SGSM2: variants seen among roughly 807,000 people sequenced by gnomAD.
SGSM2 encodes RUN and TBC1 domain containing 1.
Under a neutral mutation model 126.6 loss-of-function variants are expected in SGSM2, and 89 were observed. The ratio of observed to expected loss-of-function variants is 0.70; its 90% CI spans 0.59 to 0.84. SGSM2 has a LOEUF of 0.84. SGSM2 is among the 40% of genes least tolerant of loss of function. The probability of loss-of-function intolerance (pLI) is 0.00; values close to 1 mark genes in which losing one functional copy is unlikely to be tolerated. For synonymous variants in SGSM2, 614 were observed against 574.3 expected (o/e 1.07, Z -0.99); for missense variants, 1,404 against 1,416.6 (o/e 0.99, Z 0.14).
chr17:2,347,382 C>T (rs1425443014), intron 2 of SGSM2, among the ~76,000 whole-genome samples: 1 of 151,200 alleles, frequency 6.6e-6, no homozygotes, highest in Non-Finnish European at 1.5e-5. Flanking sequence ...GCTGGGATTA[C>T]AGGTGTGAAC....
chr17:2,362,431 T>TCCCAAAAACTGCAGGTGACCGCCCCGTTC lies in SGSM2; in HGVS notation c.458+243_458+271dup, dbSNP rs1555600313. Among the ~76,000 whole-genome samples the TCCCAAAAACTGCAGGTGACCGCCCCGTTC allele has an allele frequency of 7.8e-4, 31 of 39,824 alleles. 1 individual carries two copies. The highest frequency in any genetic ancestry group is 1.5e-3 in the African/African-American group (13 of 8,680). The allele number at this position is 39,824 out of a possible 152,430, so 26.1% of individuals were successfully genotyped here. ...CCAAAACTGCAGGTGACCGCCCCGT[T>TCCCAAAAACTGCAGGTGACCGCCCCGTTC]CCCAAAAACTGCAGGTGACCGCCCC... is the stretch of plus-strand genomic sequence containing the variant. On this transcript the variant is annotated intron_variant, in intron 4 of 23. Coordinates refer to ENST00000268989, the MANE Select transcript of SGSM2 (RefSeq NM_014853.3). The surrounding 1 kb of genome is among the most constrained non-coding windows in gnomAD (Gnocchi z 4.9).
Position 2,362,341 on chromosome 17 carries a change from G to A in SGSM2, c.458+71G>A, listed in dbSNP as rs566091277. On this transcript the variant is annotated intron_variant, in intron 4 of 23. Transcript: ENST00000268989. This position sits in a 1 kb window ranked among gnomAD's most constrained non-coding sequence, Gnocchi z 4.9. ...CCCCAAAACTGCAGGTGACCGCCCC[G>A]TTCCCCAAAAACTGCAGGTGACCGC... is the stretch of plus-strand genomic sequence containing the variant. 1.1e-4 allele frequency: 165 copies of A among 1,480,130 alleles called. 1 individual carries two copies. Among genetic ancestry groups the A allele is most frequent in the Admixed American group, 6.6e-4 (29 of 44,134 alleles). 91.7% of individuals were successfully genotyped at this position (1,480,130 alleles called of 1,614,324 possible). A position where few individuals can be genotyped will look rare whatever the true frequency, so the allele number is the denominator to read the frequency against.
intron 2 of SGSM2, among the ~76,000 whole-genome samples, chr17:2,345,385 A>G (rs982950913): frequency 4.0e-5 from 6 of 151,436 alleles, no homozygotes; most frequent in African/African-American, 1.5e-4. Flanking sequence ...TCACGAGGTC[A>G]GGAGATCGAG....
chr17:2,366,978 C>T (rs886758690), intron 11 of SGSM2: 7 of 364,708 alleles, frequency 1.9e-5, no homozygotes, highest in African/African-American at 1.4e-4. Flanking sequence ...CCAGCCCATC[C>T]CAGACAGTCC....
chr17:2,362,167 G>A lies in SGSM2; in HGVS notation c.355G>A (p.Ala119Thr), dbSNP rs1324341146. The change falls in exon 4 of 24, where the codon GCC (alanine) becomes ACC (threonine). Residue 119 changes from alanine (A) to threonine (T), a missense_variant. By Grantham distance (58) the Ala-to-Thr change is moderately conservative. Coordinates refer to ENST00000268989, the MANE Select transcript of SGSM2 (RefSeq NM_014853.3). This position sits in a 1 kb window ranked among gnomAD's most constrained non-coding sequence, Gnocchi z 4.9. ...GAGACAGGGCTCAGCCAGCGGGAAG[G>A]CCCCGGCCCTCAGCCCTCAGGCCTT... Reference protein sequence around the residue: ...LRRQGSASGKAPALSPQALKH... With the variant: ...LRRQGSASGKTPALSPQALKH... 2 of 1,613,806 alleles carry A rather than the reference G, an allele frequency of 1.2e-6. No homozygotes were observed. Among genetic ancestry groups the A allele is most frequent in the East Asian group, 4.5e-5 (2 of 44,896 alleles).
Position 2,376,737 on chromosome 17 carries a change from G to GT in SGSM2, c.2615dup (p.Trp873ValfsTer26). On this transcript the variant is annotated frameshift_variant, in exon 20 of 24. Coordinates refer to ENST00000268989, the MANE Select transcript of SGSM2 (RefSeq NM_014853.3). LOFTEE classifies it high-confidence loss of function. ...GACTCTCCCCCTGCCTTTCAGCTAC[G>GT]TGTGGGAGCACCTGGACGTGGGCTA... 6.2e-7 allele frequency: 1 copy of GT among 1,614,004 alleles called. No homozygotes were observed. The highest frequency in any genetic ancestry group is 8.5e-7 in the Non-Finnish European group (1 of 1,180,016).
Position 2,380,667 on chromosome 17 carries a change from C to T in SGSM2, c.*1147C>T. The T allele has an allele frequency of 2.8e-6, 1 of 351,270 alleles. No individual in the cohort carries two copies. Among genetic ancestry groups the T allele is most frequent in the Non-Finnish European group, 5.4e-6 (1 of 185,910 alleles). The allele number at this position is 351,270 out of a possible 1,614,324, so 21.8% of individuals were successfully genotyped here. On this transcript the variant is annotated 3_prime_UTR_variant, in exon 24 of 24. Transcript: ENST00000268989. ...GCTGCTTGCTCGGCCATCCCCACTT[C>T]CTCCTCTACCCCAACACATGCAGGC...
At position 2,380,515 on chromosome 17, in the gene SGSM2, G is replaced by C. The variant is rs1215374806; in HGVS notation, c.*995G>C. ...CCCATCTGTCCCTGGTGAGAAGCAA[G>C]GCTAGCTCTGCCTTCCACATGCTTC... On this transcript the variant is annotated 3_prime_UTR_variant, in exon 24 of 24. Transcript: ENST00000268989. 4 of 601,990 alleles carry C rather than the reference G, an allele frequency of 6.6e-6. No individual in the cohort carries two copies. The highest frequency in any genetic ancestry group is 1.2e-5 in the Non-Finnish European group (4 of 337,356). 37.3% of individuals were successfully genotyped at this position (601,990 alleles called of 1,614,324 possible).
At chr17:2,354,776 CT>C in intron 2 of SGSM2, among the ~76,000 whole-genome samples, 1 of 152,368 alleles carries the variant, frequency 6.6e-6, no homozygotes, top group South Asian at 2.1e-4. Context: ...CCATCTGTGT[CT>C]TCCTGGCGTC....
intron 17 of SGSM2, chr17:2,375,266 G>C (rs1477454619): frequency 4.0e-6 from 2 of 494,668 alleles, no homozygotes; most frequent in Non-Finnish European, 7.1e-6. Flanking sequence ...GTTCCTTCAA[G>C]CAGGGCTGAA....
chr17:2,338,429 A>G (rs1320703120), intron 1 of SGSM2, among the ~76,000 whole-genome samples: 2 of 152,064 alleles, frequency 1.3e-5, no homozygotes, highest in African/African-American at 4.8e-5. Flanking sequence ...CCAAAAGCCC[A>G]TTTCCATTTC....
chr17:2,369,756 C>A (rs776092559), intron 12 of SGSM2, among the ~76,000 whole-genome samples: 6 of 151,832 alleles, frequency 4.0e-5, no homozygotes, highest in Admixed American at 1.3e-4. Context: ...CTCTTCCCAC[C>A]CCGGCTCCTC....
At position 2,380,243 on chromosome 17, in the gene SGSM2, C is replaced by T. The variant is rs902658058; in HGVS notation, c.*723C>T. 1.3e-6 allele frequency: 2 copies of T among 1,535,810 alleles called. No homozygotes were observed. The highest frequency in any genetic ancestry group is 2.7e-5 in the African/African-American group (2 of 73,022). On this transcript the variant is annotated 3_prime_UTR_variant, in exon 24 of 24. Transcript: ENST00000268989. ...TCTGTACAGCCTCGCTCCTGCCACCCCACCCTTGCGTTCTGCATTAGGTAC... is the reference window on the plus strand; with the variant it reads ...TCTGTACAGCCTCGCTCCTGCCACCTCACCCTTGCGTTCTGCATTAGGTAC...
At chr17:2,361,553 C>T in intron 2 of SGSM2, 84 bp from the exon 3 acceptor site, 1 of 1,529,246 alleles carries the variant, frequency 6.5e-7, no homozygotes, top group Non-Finnish European at 8.9e-7. Flanking sequence ...CCCCTTGCCT[C>T]ACCACAGGTA....
Position 2,376,167 on chromosome 17 carries a change from C to T in SGSM2, c.2515C>T (p.Leu839=), listed in dbSNP as rs563539560. 2 of 1,614,156 alleles carry T rather than the reference C, an allele frequency of 1.2e-6. No homozygotes were observed. The highest frequency in any genetic ancestry group is 2.2e-5 in the East Asian group (1 of 44,882). Residue 839 remains leucine, a synonymous_variant, in exon 19 of 24, where the codon CTG becomes TTG. Transcript: ENST00000268989. ...IELLDTVALN[L]HRIDKDVQRC... is the part of the protein sequence containing the mutation. ...ATTACTGGACACTGTGGCCTTAAAC[C>T]TGCACCGCATAGACAAGGATGTGCA... is the stretch of plus-strand genomic sequence containing the variant.
chr17:2,347,457 G>A (rs958149870), intron 2 of SGSM2, among the ~76,000 whole-genome samples: 6 of 151,326 alleles, frequency 4.0e-5, no homozygotes, highest in African/African-American at 1.5e-4. Flanking sequence ...CCACTGTTGG[G>A]GAGAGGTCTT....
In SGSM2 at chr17:2,377,122, A is replaced by G. The variant is rs933892919; in HGVS notation, c.2802+54A>G. On this transcript the variant is annotated intron_variant, in intron 21 of 23. Coordinates refer to ENST00000268989, the MANE Select transcript of SGSM2 (RefSeq NM_014853.3). The stretch of plus-strand genomic sequence containing the variant: ...GGAGCAGGCAGTGCTGGGCTGGTCC[A>G]TCGTCCACATGGCTAGGGAGCATTC... 2.2e-5 allele frequency: 24 copies of G among 1,080,168 alleles called. No individual in the cohort carries two copies. In the African/African-American group the frequency reaches 2.8e-4, roughly 13 times the overall value. The allele number at this position is 1,080,168 out of a possible 1,614,324, so 66.9% of individuals were successfully genotyped here.
intron 20 of SGSM2, 43 bp downstream of exon 20, chr17:2,376,858 G>A (rs78157029): frequency 0.017 from 26,977 of 1,612,274 alleles, 298 homozygotes; most frequent in Non-Finnish European, 0.021. Flanking sequence ...GTAAGCTGGA[G>A]AAAGGACGAG....
chr17:2,367,518 C>A lies in SGSM2; in HGVS notation c.1423+113C>A. 8.1e-7 allele frequency: 1 copy of A among 1,231,486 alleles called. No individual in the cohort carries two copies. Among genetic ancestry groups the A allele is most frequent in the Non-Finnish European group, 1.1e-6 (1 of 877,018 alleles). The allele number at this position is 1,231,486 out of a possible 1,614,324, so 76.3% of individuals were successfully genotyped here. A position where few individuals can be genotyped will look rare whatever the true frequency, so the allele number is the denominator to read the frequency against. ...AGTGTTGGCATTAGGGGACTTGCACCCAGGGCAGTTCCCTTCCATCGGGGG... is the reference window on the plus strand; with the variant it reads ...AGTGTTGGCATTAGGGGACTTGCACACAGGGCAGTTCCCTTCCATCGGGGG... On this transcript the variant is annotated intron_variant, in intron 12 of 23. Coordinates refer to ENST00000268989, the MANE Select transcript of SGSM2 (RefSeq NM_014853.3). The surrounding 1 kb of genome is among the most constrained non-coding windows in gnomAD (Gnocchi z 4.0).
Sources: gnomAD v4.1 joint callset for allele counts (sites outside exome capture counted in the v4.1 genomes callset) on GRCh38, gnomAD v4.1.1 for gene constraint, Gnocchi (gnomAD v3.1) non-coding constraint, MANE v1.5 for transcripts, NCBI Gene and HGNC (gene_info 2026-07-23, HGNC 2026-07-21) for gene names.